Variants in WWOX observed in about 807,000 individuals in gnomAD.
WWOX encodes WW domain containing oxidoreductase.
Under a neutral mutation model 46.2 loss-of-function variants are expected in WWOX, and 69 were observed. That is an observed-to-expected ratio of 1.49 (90% CI 1.23 to 1.82). WWOX has a LOEUF of 1.82. WWOX is among the 40% of genes most tolerant of loss of function. The pLI is 0.00. For synonymous variants in WWOX, 359 were observed against 202.6 expected (o/e 1.77, Z -6.56); for missense variants, 919 against 542.6 (o/e 1.69, Z -6.89).
intron 8 of WWOX, among the ~76,000 whole-genome samples, chr16:78,931,707 C>T (rs2045627649): frequency 6.6e-6 from 1 of 152,160 alleles, no homozygotes; most frequent in African/African-American, 2.4e-5. Flanking sequence ...TAGTATTTTC[C>T]AACTGTTCAC....
intron 8 of WWOX, among the ~76,000 whole-genome samples, chr16:78,516,995 T>C (rs544136624): frequency 1.5e-4 from 23 of 152,306 alleles, no homozygotes; most frequent in Non-Finnish European, 2.6e-4. Context: ...TCCTTGAAAA[T>C]AGTGAATTTC....
chr16:78,645,100 G>A (rs935083960), intron 8 of WWOX, among the ~76,000 whole-genome samples: 16 of 152,236 alleles, frequency 1.1e-4, no homozygotes, highest in African/African-American at 3.6e-4. Context: ...CCAAGGCTAA[G>A]CAATATACAA....
intron 8 of WWOX, among the ~76,000 whole-genome samples, chr16:78,465,560 C>G (rs2738663): frequency 6.6e-6 from 1 of 152,088 alleles, no homozygotes; most frequent in Non-Finnish European, 1.5e-5. Flanking sequence ...CTGAATGATA[C>G]CTTTTCATTA....
At chr16:78,727,541 G>C (rs906945985) in intron 8 of WWOX, among the ~76,000 whole-genome samples, 2 of 152,154 alleles carry the variant, frequency 1.3e-5, no homozygotes, top group African/African-American at 4.8e-5. Flanking sequence ...AGAAAGGAGG[G>C]ACACAAGGTC....
At chr16:78,284,977 G>C (rs1030283959) in intron 5 of WWOX, among the ~76,000 whole-genome samples, 5 of 152,188 alleles carry the variant, frequency 3.3e-5, no homozygotes, top group African/African-American at 1.2e-4. Flanking sequence ...TAGGGAAAAT[G>C]GAACTGATCT....
At chr16:78,813,680 A>T (rs192466649) in intron 8 of WWOX, among the ~76,000 whole-genome samples, 31 of 152,256 alleles carry the variant, frequency 2.0e-4, no homozygotes, top group African/African-American at 7.5e-4. Context: ...TTTGAGATCA[A>T]TCACATTCAT....
intron 6 of WWOX, among the ~76,000 whole-genome samples, chr16:78,423,582 G>A (rs1196851656): frequency 2.6e-5 from 4 of 151,980 alleles, no homozygotes; most frequent in Non-Finnish European, 5.9e-5. Flanking sequence ...ATTTTGTTAC[G>A]TTTGTGAGGC....
At chr16:78,645,322 A>G (rs1291570978) in intron 8 of WWOX, among the ~76,000 whole-genome samples, 2 of 152,082 alleles carry the variant, frequency 1.3e-5, no homozygotes, top group Non-Finnish European at 2.9e-5. Flanking sequence ...CAATGCTTTA[A>G]CAAATGACCA....
intron 6 of WWOX, among the ~76,000 whole-genome samples, chr16:78,408,640 G>C (rs1293679923): frequency 6.6e-6 from 1 of 152,210 alleles, no homozygotes; most frequent in African/African-American, 2.4e-5. Flanking sequence ...AGGAACTTGT[G>C]TCATTCCGTT....
chr16:78,533,105 G>T (rs1215421526), intron 8 of WWOX, among the ~76,000 whole-genome samples: 1 of 152,116 alleles, frequency 6.6e-6, no homozygotes, highest in Non-Finnish European at 1.5e-5. Context: ...TCCATCCTCA[G>T]AACTCCTCCC....
intron 8 of WWOX, among the ~76,000 whole-genome samples, chr16:78,783,488 C>G (rs1383611118): frequency 2.0e-5 from 3 of 152,154 alleles, no homozygotes; most frequent in African/African-American, 7.2e-5. Flanking sequence ...GAAAGTAGCT[C>G]TTTGTACCAA....
At chr16:78,319,016 C>T (rs559994590) in intron 5 of WWOX, among the ~76,000 whole-genome samples, 10 of 152,182 alleles carry the variant, frequency 6.6e-5, no homozygotes, top group African/African-American at 1.4e-4. Context: ...ACTGATCCTG[C>T]GAAGTTAAAA....
intron 8 of WWOX, among the ~76,000 whole-genome samples, chr16:78,963,923 AT>A (rs2046318826): frequency 6.6e-6 from 1 of 152,158 alleles, no homozygotes; most frequent in Non-Finnish European, 1.5e-5. Flanking sequence ...ATGAAAGTGA[AT>A]AAGTTTCATA....
intron 8 of WWOX, among the ~76,000 whole-genome samples, chr16:78,615,583 G>A (rs2046002982): frequency 6.6e-6 from 1 of 151,940 alleles, no homozygotes; most frequent in Non-Finnish European, 1.5e-5. Flanking sequence ...CCTGAGCCCA[G>A]GAGTTGGAGG....
chr16:79,183,797 T>G (rs571929342), intron 8 of WWOX, among the ~76,000 whole-genome samples: 3 of 152,336 alleles, frequency 2.0e-5, no homozygotes, highest in African/African-American at 7.2e-5. Flanking sequence ...GTCCCAGAGC[T>G]GGAATTTGAA....
At chr16:78,364,637 A>G (rs2081491815) in intron 5 of WWOX, among the ~76,000 whole-genome samples, 1 of 121,026 alleles carries the variant, frequency 8.3e-6, no homozygotes, top group Admixed American at 8.1e-5. Context: ...GCTGACATTT[A>G]TCAGCCTGTT....
rs768370577 is a variant in WWOX, at chr16:78,619,133, TAAA to T, written c.1056+186389_1056+186391del. Among the ~76,000 whole-genome samples the T allele has an allele frequency of 9.8e-4, 4 of 4,094 alleles. 1 individual carries two copies. The highest frequency in any genetic ancestry group is 2.5e-3 in the African/African-American group (4 of 1,602). The allele number at this position is 4,094 out of a possible 152,430, so 2.7% of individuals were successfully genotyped here. On this transcript the variant is annotated intron_variant, in intron 8 of 8. Transcript: ENST00000566780. ...CAACGTGGCAAAACCCCATTTCTAC[TAAA>T]AAAAAAATATATATATATATATATA...
intron 8 of WWOX, among the ~76,000 whole-genome samples, chr16:78,920,244 A>C (rs552684952): frequency 2.6e-5 from 4 of 152,280 alleles, no homozygotes; most frequent in Non-Finnish European, 4.4e-5. Context: ...TTCTTCCAGG[A>C]CGTGACACCT....
chr16:78,395,717 C>G (rs1253165156), intron 6 of WWOX, among the ~76,000 whole-genome samples: 1 of 152,010 alleles, frequency 6.6e-6, no homozygotes, highest in Non-Finnish European at 1.5e-5. Flanking sequence ...TCATAAAGTA[C>G]TTTATTACTC....
Sources: allele counts gnomAD v4.1 joint callset (sites outside exome capture counted in the v4.1 genomes callset), GRCh38; gene constraint gnomAD v4.1.1; transcripts MANE v1.5; gene names NCBI Gene and HGNC (gene_info 2026-07-23, HGNC 2026-07-21).